ZNF334: variants seen among roughly 807,000 people sequenced by gnomAD.
The protein encoded by ZNF334 is zinc finger protein 334.
A neutral mutation model predicts 12.4 loss-of-function variants in ZNF334; 14 were observed. The observed-to-expected ratio is 1.13, with a 90% CI of 0.74 to 1.76. The LOEUF (loss-of-function observed/expected upper bound fraction) is 1.76, where lower values mean the gene tolerates loss of function less well. Ranked by LOEUF, ZNF334 falls within the 40% of genes most tolerant of loss-of-function variation. The pLI is 0.00. For missense variants in ZNF334, 797 were observed against 804.5 expected (o/e 0.99, Z 0.11); for synonymous variants, 273 against 269.6 (o/e 1.01, Z -0.12).
chr20:46,471,875 T>C, the ZNF334 span, among the ~76,000 whole-genome samples: 10 of 152,342 alleles, frequency 6.6e-5, no homozygotes, highest in African/African-American at 2.2e-4. Context: ...CTCTTAACTT[T>C]GTTCTTCAAG....
At position 46,512,968 on chromosome 20, in the gene ZNF334, T is replaced by TG. The variant is rs1449759484; in HGVS notation, c.-468dup. ...GAGATGGTAGGGAATGACATGTATG[T>TG]GTTTAGGAAGTGATGAAGACATCAT... On this transcript the variant is annotated 5_prime_UTR_variant, in exon 1 of 5. It introduces an in-frame stop codon into an upstream open reading frame of the 5' UTR. Coordinates refer to ENST00000692313, the MANE Select transcript of ZNF334 (RefSeq NM_001353824.2). 6 of 152,244 alleles carry TG rather than the reference T, an allele frequency of 3.9e-5. No individual in the cohort carries two copies. The East Asian group carries it at 1.2e-3, about 29-fold the overall frequency. 9.4% of individuals were successfully genotyped at this position (152,244 alleles called of 1,614,324 possible). A position where few individuals can be genotyped will look rare whatever the true frequency, so the allele number is the denominator to read the frequency against.
At position 46,501,032 on chromosome 20, in the gene ZNF334, T is replaced by C; in HGVS notation, c.*264A>G. 1 of 393,116 alleles carries C rather than the reference T, an allele frequency of 2.5e-6. No homozygotes were observed. Among genetic ancestry groups the C allele is most frequent in the Non-Finnish European group, 4.5e-6 (1 of 220,838 alleles). 24.4% of individuals were successfully genotyped at this position (393,116 alleles called of 1,614,324 possible). A position where few individuals can be genotyped will look rare whatever the true frequency, so the allele number is the denominator to read the frequency against. On this transcript the variant is annotated 3_prime_UTR_variant, in exon 5 of 5. Coordinates refer to ENST00000692313, the MANE Select transcript of ZNF334 (RefSeq NM_001353824.2). ...AACTTAAACAATGTTTGTTTCATTA[T>C]TTTAAAAGGGAGGCACATTTGGCAT...
At chr20:46,496,927 GTGT>G (rs1394735608), downstream of ZNF334, among the ~76,000 whole-genome samples, 1 of 152,168 alleles carries the variant, frequency 6.6e-6, no homozygotes, top group Non-Finnish European at 1.5e-5. Flanking sequence ...TATTCTCTTA[GTGT>G]TCACTTTCAC....
At chr20:46,489,439 C>A in the ZNF334 span, among the ~76,000 whole-genome samples, 1 of 152,022 alleles carries the variant, frequency 6.6e-6, no homozygotes, top group Admixed American at 6.6e-5. Context: ...GAGGCTGAGG[C>A]GGTCAGGCCA....
In ZNF334 at chr20:46,501,374, A is replaced by C. The variant is rs777961328; in HGVS notation, c.1965T>G (p.Pro655=). The C allele has an allele frequency of 3.1e-6, 5 of 1,614,006 alleles. No individual in the cohort carries two copies. In the African/African-American group the frequency reaches 4.0e-5, roughly 13 times the overall value. Residue 655 remains proline (P), a synonymous_variant, in exon 5 of 5, where the codon CCT becomes CCG. Transcript: ENST00000692313. Reference sequence around the variant, plus strand: ...TTTTCTCACATTTGTTACATTCATAAGGTTTCTCTCCTGTGTGTATTTTCT... The same window carrying C: ...TTTTCTCACATTTGTTACATTCATACGGTTTCTCTCCTGTGTGTATTTTCT... ...EHQKIHTGEK[P]YECNKCEKTF...
At chr20:46,498,932 T>A (rs964111616), downstream of ZNF334, among the ~76,000 whole-genome samples, 1 of 152,016 alleles carries the variant, frequency 6.6e-6, no homozygotes, top group East Asian at 1.9e-4. Flanking sequence ...CCCAGCACTT[T>A]GGGAGGCCGA....
downstream of ZNF334, among the ~76,000 whole-genome samples, chr20:46,495,826 A>T (rs1466568997): frequency 6.6e-6 from 1 of 152,134 alleles, no homozygotes; most frequent in Non-Finnish European, 1.5e-5. Context: ...CACTCTGATC[A>T]TAGGCCACTG....
At chr20:46,468,621 G>C in the ZNF334 span, among the ~76,000 whole-genome samples, 1 of 152,082 alleles carries the variant, frequency 6.6e-6, no homozygotes, top group Non-Finnish European at 1.5e-5. Flanking sequence ...TTAACAGGCA[G>C]ATTATGCAGA....
chr20:46,486,639 A>AC, the ZNF334 span, among the ~76,000 whole-genome samples: 1 of 152,166 alleles, frequency 6.6e-6, no homozygotes. Context: ...CTAAATCTCT[A>AC]CAATTCCTTC....
chr20:46,510,841 A>C (rs73303535), intron 2 of ZNF334, among the ~76,000 whole-genome samples: 6,523 of 151,938 alleles, frequency 0.043, 369 homozygotes, highest in African/African-American at 0.13. Flanking sequence ...GGGAAAAAAG[A>C]AGCAGCAGCA....
intron 2 of ZNF334, among the ~76,000 whole-genome samples, chr20:46,510,363 A>G (rs1046067610): frequency 6.6e-6 from 1 of 151,984 alleles, no homozygotes; most frequent in Non-Finnish European, 1.5e-5. Flanking sequence ...AAATTCAAGA[A>G]ATGTTTATGT....
In ZNF334 at chr20:46,501,860, T is replaced by C. The variant is rs761279103; in HGVS notation, c.1479A>G (p.Lys493=). The change falls in exon 5 of 5, where the codon AAA becomes AAG. Residue 493 remains lysine, a synonymous_variant. Coordinates refer to ENST00000692313, the MANE Select transcript of ZNF334 (RefSeq NM_001353824.2). ...HTGEKHGVFN[K]CGRISIVKSN... Reference sequence around the variant, plus strand: ...ACTTCACAATGGAGATTCTACCACATTTATTAAACACACCATGTTTCTCTC... The same window carrying C: ...ACTTCACAATGGAGATTCTACCACACTTATTAAACACACCATGTTTCTCTC... The C allele has an allele frequency of 5.6e-6, 9 of 1,614,010 alleles. No homozygotes were observed. Among genetic ancestry groups the C allele is most frequent in the Non-Finnish European group, 7.6e-6 (9 of 1,180,018 alleles).
intron 2 of ZNF334, among the ~76,000 whole-genome samples, chr20:46,508,284 T>C (rs778361633): frequency 3.3e-5 from 5 of 152,220 alleles, no homozygotes; most frequent in Non-Finnish European, 5.9e-5. Flanking sequence ...GGGATATGGC[T>C]ACTGAGGACA....
intron 2 of ZNF334, among the ~76,000 whole-genome samples, chr20:46,511,606 T>C (rs1003295262): frequency 4.6e-5 from 7 of 152,218 alleles, no homozygotes; most frequent in African/African-American, 1.7e-4. Flanking sequence ...ATTTTATTTG[T>C]TATAGGTTTT....
the ZNF334 span, among the ~76,000 whole-genome samples, chr20:46,468,030 T>C: frequency 6.6e-6 from 1 of 152,334 alleles, no homozygotes; most frequent in South Asian, 2.1e-4. Context: ...CTCACAAATT[T>C]TGGAAACTTT....
At chr20:46,470,048 A>C in the ZNF334 span, among the ~76,000 whole-genome samples, 360 of 152,296 alleles carry the variant, frequency 2.4e-3, 1 homozygote, top group African/African-American at 8.2e-3. Flanking sequence ...AAAATAGTAG[A>C]GCTCCCAGAG....
rs1269412535 is a variant in ZNF334 at position 46,513,008 on chromosome 20, C to G, written c.-507G>C. 1 of 152,104 alleles carries G rather than the reference C, an allele frequency of 6.6e-6. No homozygotes were observed. The highest frequency in any genetic ancestry group is 2.4e-5 in the African/African-American group (1 of 41,406). The allele number at this position is 152,104 out of a possible 1,614,324, so 9.4% of individuals were successfully genotyped here. On this transcript the variant is annotated 5_prime_UTR_variant, in exon 1 of 5. Coordinates refer to ENST00000692313, the MANE Select transcript of ZNF334 (RefSeq NM_001353824.2). ...GAAGACATCATTTCCTTATTTATAA[C>G]CAGTACTCCTTCCCTCCAACCCAGG...
chr20:46,490,017 T>G, the ZNF334 span, among the ~76,000 whole-genome samples: 1 of 152,158 alleles, frequency 6.6e-6, no homozygotes, highest in Non-Finnish European at 1.5e-5. Context: ...TTTCTAGATG[T>G]TTTTATTACA....
In ZNF334 at chr20:46,512,089, T is replaced by C. The variant is rs772582368; in HGVS notation, c.14A>G (p.Lys5Arg). 1 of 1,613,890 alleles carries C rather than the reference T, an allele frequency of 6.2e-7. No individual in the cohort carries two copies. The highest frequency in any genetic ancestry group is 8.5e-7 in the Non-Finnish European group (1 of 1,179,838). The stretch of plus-strand genomic sequence containing the variant: ...AATCCCTGAGCAACTTACCTGAAAT[T>C]TTTTCATTTTCATGTTCTCTTGAGA... Reference protein sequence around the residue: MKMKKFQIPVSFQDL... With the variant: MKMKRFQIPVSFQDL... Residue 5 changes from lysine to arginine, a missense_variant, in exon 2 of 5, where the codon AAA becomes AGA. By Grantham distance (26) the Lys-to-Arg change is conservative (BLOSUM62 2). Transcript: ENST00000692313.
Sources: gnomAD v4.1 joint callset for allele counts (sites outside exome capture counted in the v4.1 genomes callset) on GRCh38, gnomAD v4.1.1 for gene constraint, MANE v1.5 for transcripts, NCBI Gene and HGNC (gene_info 2026-07-23, HGNC 2026-07-21) for gene names.